The following AFG1L variants were observed in gnomAD, a reference collection of about 807,000 sequenced individuals.
The protein encoded by AFG1L is AFG1 like ATPase, also known as AFG1-like ATPase.
A neutral mutation model predicts 62.2 loss-of-function variants in AFG1L; 53 were observed. The observed-to-expected ratio is 0.85, with a 90% CI of 0.68 to 1.07. The LOEUF (loss-of-function observed/expected upper bound fraction) is 1.07, where lower values mean the gene tolerates loss of function less well. AFG1L is among the 50% of genes least tolerant of loss of function. The probability of loss-of-function intolerance (pLI) is 0.00; values close to 1 mark genes in which losing one functional copy is unlikely to be tolerated. For synonymous variants in AFG1L, 228 were observed against 210.3 expected (o/e 1.08, Z -0.73); for missense variants, 555 against 590.5 (o/e 0.94, Z 0.62).
At chr6:108,404,173 ACTT>A (rs373210684) in intron 7 of AFG1L, among the ~76,000 whole-genome samples, 30 of 152,284 alleles carry the variant, frequency 2.0e-4, no homozygotes, top group Middle Eastern at 3.4e-3. Context: ...TGCTAGTGTT[ACTT>A]CTTCATTCTG....
intron 2 of AFG1L, among the ~76,000 whole-genome samples, chr6:108,330,784 T>C (rs1347951873): frequency 6.6e-6 from 1 of 152,208 alleles, no homozygotes; most frequent in Non-Finnish European, 1.5e-5. Flanking sequence ...GAACTTTAAA[T>C]AACAAATACT....
In AFG1L at chr6:108,511,124, A is replaced by AAGG. The variant is rs552164631; in HGVS notation, c.1203+797_1203+799dup. On this transcript the variant is annotated intron_variant, in intron 11 of 12. Transcript: ENST00000368977. ...AAAAAAGAAGAAGAAGAAGAAGTAG[A>AAGG]AGGAGGAGGAGGAGGAGGAGGAGGA... Among the ~76,000 whole-genome samples the AAGG allele has an allele frequency of 5.8e-3, 864 of 148,626 alleles. 5 individuals are homozygous for AAGG. The highest frequency in any genetic ancestry group is 0.014 in the Middle Eastern group (4 of 286).
At chr6:108,376,589 G>A (rs1554190647) in intron 6 of AFG1L, among the ~76,000 whole-genome samples, 1 of 151,874 alleles carries the variant, frequency 6.6e-6, no homozygotes, top group Non-Finnish European at 1.5e-5. Flanking sequence ...AGATCTTCTT[G>A]GTATTGATTT....
intron 7 of AFG1L, among the ~76,000 whole-genome samples, chr6:108,441,474 A>C (rs1263867596): frequency 6.6e-6 from 1 of 151,974 alleles, no homozygotes; most frequent in Admixed American, 6.6e-5. Flanking sequence ...TTTTAAAATA[A>C]ATTTTGTTTG....
intron 3 of AFG1L, among the ~76,000 whole-genome samples, chr6:108,347,726 C>G (rs1778915277): frequency 6.6e-6 from 1 of 152,226 alleles, no homozygotes; most frequent in Non-Finnish European, 1.5e-5. Context: ...TCTTAAACCT[C>G]TCCTTGGCCA....
intron 6 of AFG1L, among the ~76,000 whole-genome samples, chr6:108,384,233 A>C (rs142790678): frequency 6.6e-6 from 1 of 152,302 alleles, no homozygotes; most frequent in Non-Finnish European, 1.5e-5. Flanking sequence ...TCTGGCCTGA[A>C]AAACCAGATG....
intron 5 of AFG1L, among the ~76,000 whole-genome samples, chr6:108,360,304 C>T (rs994293513): frequency 1.3e-4 from 20 of 152,222 alleles, no homozygotes; most frequent in East Asian, 5.8e-4. Flanking sequence ...ATTAAGGAAC[C>T]GCAGTTAGTA....
At chr6:108,426,356 G>T (rs1439846446) in intron 7 of AFG1L, among the ~76,000 whole-genome samples, 1 of 152,140 alleles carries the variant, frequency 6.6e-6, no homozygotes, top group Admixed American at 6.6e-5. Context: ...CTTCCTATTA[G>T]CTTGAAGCTG....
chr6:108,522,550 A>G lies in AFG1L; in HGVS notation c.*125A>G, dbSNP rs1775165049. The G allele has an allele frequency of 1.9e-6, 2 of 1,058,924 alleles. No individual in the cohort carries two copies. Among genetic ancestry groups the G allele is most frequent in the East Asian group, 5.4e-5 (2 of 36,920 alleles). The allele number at this position is 1,058,924 out of a possible 1,614,324, so 65.6% of individuals were successfully genotyped here. ...GCACTTTGTCCTCTGGACCATTTTA[A>G]TCTAAAATTGCTCTCAAGGATCTAG... is the stretch of plus-strand genomic sequence containing the variant. On this transcript the variant is annotated 3_prime_UTR_variant, in exon 13 of 13. Transcript: ENST00000368977.
At chr6:108,418,972 C>A (rs1490625277) in intron 7 of AFG1L, among the ~76,000 whole-genome samples, 1 of 152,100 alleles carries the variant, frequency 6.6e-6, no homozygotes, top group Non-Finnish European at 1.5e-5. Context: ...TGATCAAGGT[C>A]CAGCAATTCA....
At chr6:108,351,026 G>A (rs1291617785) in intron 3 of AFG1L, among the ~76,000 whole-genome samples, 1 of 152,164 alleles carries the variant, frequency 6.6e-6, no homozygotes, top group Non-Finnish European at 1.5e-5. Flanking sequence ...TGTGGTATTT[G>A]TTTATCTAAA....
chr6:108,347,097 T>G (rs1778892242), intron 3 of AFG1L, 58 bp downstream of exon 3: 2 of 1,365,052 alleles, frequency 1.5e-6, no homozygotes, highest in Admixed American at 3.4e-5. Context: ...CAGCTTTCTC[T>G]CAGGGATGAT....
chr6:108,446,257 A>T (rs939008558), intron 7 of AFG1L, among the ~76,000 whole-genome samples: 1 of 152,084 alleles, frequency 6.6e-6, no homozygotes, highest in Admixed American at 6.6e-5. Context: ...GAAAGAAAGG[A>T]GCACTTGGGA....
chr6:108,353,257 C>A (rs1184407035), intron 3 of AFG1L, among the ~76,000 whole-genome samples: 1 of 151,170 alleles, frequency 6.6e-6, no homozygotes, highest in Non-Finnish European at 1.5e-5. Context: ...TGGGCTCAAG[C>A]AATCCTCCCA....
intron 7 of AFG1L, among the ~76,000 whole-genome samples, chr6:108,441,329 C>T (rs537352522): frequency 1.1e-4 from 16 of 152,234 alleles, no homozygotes; most frequent in African/African-American, 3.9e-4. Flanking sequence ...TTTCCAAACT[C>T]AAAGGCCTTT....
At chr6:108,406,461 G>A (rs1259115727) in intron 7 of AFG1L, among the ~76,000 whole-genome samples, 5 of 151,962 alleles carry the variant, frequency 3.3e-5, no homozygotes, top group Non-Finnish European at 5.9e-5. Flanking sequence ...TGACTGAGAT[G>A]GAGTCTTGCT....
intron 6 of AFG1L, among the ~76,000 whole-genome samples, chr6:108,378,572 G>T (rs912401000): frequency 3.3e-5 from 5 of 152,122 alleles, no homozygotes; most frequent in Non-Finnish European, 7.4e-5. Context: ...GGCCACCTTG[G>T]CCTCCCAAAG....
At chr6:108,419,338 T>G (rs894746081) in intron 7 of AFG1L, among the ~76,000 whole-genome samples, 3 of 152,192 alleles carry the variant, frequency 2.0e-5, no homozygotes, top group Admixed American at 2.0e-4. Context: ...TCTTCTTTCT[T>G]AACTTTTAAA....
chr6:108,512,861 G>T (rs1388919368), intron 11 of AFG1L, among the ~76,000 whole-genome samples: 1 of 152,152 alleles, frequency 6.6e-6, no homozygotes, highest in Non-Finnish European at 1.5e-5. Context: ...AAAATTGGTA[G>T]CATTAAACAG....
Sources: gnomAD v4.1 joint callset for allele counts (sites outside exome capture counted in the v4.1 genomes callset) on GRCh38, gnomAD v4.1.1 for gene constraint, MANE v1.5 for transcripts, NCBI Gene and HGNC (gene_info 2026-07-23, HGNC 2026-07-21) for gene names.